ARHGAP23: variants seen among roughly 807,000 people sequenced by gnomAD.
ARHGAP23 encodes Rho GTPase activating protein 23, also known as rho GTPase-activating protein 23.
A neutral mutation model predicts 136.3 loss-of-function variants in ARHGAP23; 34 were observed. That is an observed-to-expected ratio of 0.25 (90% CI 0.19 to 0.33). The LOEUF (loss-of-function observed/expected upper bound fraction) is 0.33, where lower values mean the gene tolerates loss of function less well. Ranked by LOEUF, ARHGAP23 falls within the 10% of genes least tolerant of loss-of-function variation. ARHGAP23 has a pLI of 1.00. For missense variants in ARHGAP23, 1,808 were observed against 2,139.0 expected, an observed-to-expected ratio of 0.85 and a Z score of 3.05; for synonymous variants, 832 against 920.5, an observed-to-expected ratio of 0.90 and a Z score of 1.74.
chr17:38,495,433 C>T (rs1204765844), intron 20 of ARHGAP23, among the ~76,000 whole-genome samples: 1 of 151,944 alleles, frequency 6.6e-6, no homozygotes, highest in East Asian at 1.9e-4. Context: ...GGGTTTCACC[C>T]TGTTGGCCAG....
chr17:38,486,099 A>G lies in ARHGAP23; in HGVS notation c.2945A>G (p.Lys982Arg). ...QDLNVISSLL[K>R]SFFRKLPEPL... ...CTCAATGTGATCAGCAGCCTGCTCA[A>G]GTCCTTCTTCCGAAAGCTGCCCGAG... Residue 982 changes from lysine (K) to arginine (R), a missense_variant, in exon 17 of 24, where the codon AAG (lysine) becomes AGG (arginine). Lys to Arg is a conservative substitution (Grantham distance 26). Around this residue, in one of 7 missense-constraint regions of ARHGAP23, gnomAD observed 105 missense variants for 200.6 expected, o/e 0.52. Transcript: ENST00000622683. 1 of 1,551,426 alleles carries G rather than the reference A, an allele frequency of 6.4e-7. No homozygotes were observed. Among genetic ancestry groups the G allele is most frequent in the Non-Finnish European group, 8.7e-7 (1 of 1,146,810 alleles).
intron 1 of ARHGAP23, among the ~76,000 whole-genome samples, chr17:38,441,583 C>T (rs942246193): frequency 2.0e-5 from 3 of 152,166 alleles, no homozygotes; most frequent in Non-Finnish European, 2.9e-5. Context: ...AGTGATGAGG[C>T]GTATAATGAG....
intron 12 of ARHGAP23, among the ~76,000 whole-genome samples, chr17:38,478,925 C>T (rs952193943): frequency 6.6e-6 from 1 of 152,214 alleles, no homozygotes; most frequent in African/African-American, 2.4e-5. Flanking sequence ...GGTGCTAGTG[C>T]ATGGCCTCTT....
rs921186631 is a variant in ARHGAP23 at position 38,494,330 on chromosome 17, G to A, written c.3276+2798G>A. On this transcript the variant is annotated intron_variant, in intron 20 of 23. Coordinates refer to ENST00000622683, the MANE Select transcript of ARHGAP23 (RefSeq NM_001199417.2). Reference sequence around the variant, plus strand: ...CGGTGCCTGGCAGGTCCTAAGTGTCGTGTGAGAACGGACTGTCATCCTCTT... The same window carrying A: ...CGGTGCCTGGCAGGTCCTAAGTGTCATGTGAGAACGGACTGTCATCCTCTT... Among the ~76,000 whole-genome samples the A allele has an allele frequency of 4.6e-5, 7 of 152,296 alleles. No homozygotes were observed. In the East Asian group the frequency reaches 1.2e-3, roughly 25 times the overall value.
intron 11 of ARHGAP23, among the ~76,000 whole-genome samples, chr17:38,476,539 C>T (rs1266190238): frequency 6.6e-6 from 1 of 152,120 alleles, no homozygotes; most frequent in Admixed American, 6.6e-5. Flanking sequence ...AATGAAGCCA[C>T]TGAGCAGGGT....
chr17:38,458,080 C>T (rs746554578), intron 1 of ARHGAP23, 22 bp from the exon 2 acceptor site: 9 of 1,535,626 alleles, frequency 5.9e-6, no homozygotes, highest in Middle Eastern at 1.7e-4. Context: ...GGCGCTCAGC[C>T]TGGCCTCTCT....
At chr17:38,442,510 T>C (rs1055889193) in intron 1 of ARHGAP23, among the ~76,000 whole-genome samples, 1 of 152,238 alleles carries the variant, frequency 6.6e-6, no homozygotes, top group African/African-American at 2.4e-5. Context: ...TTCCAGGACC[T>C]ACAGCCCTGT....
At chr17:38,459,872 G>A (rs2039418246) in intron 2 of ARHGAP23, among the ~76,000 whole-genome samples, 1 of 152,184 alleles carries the variant, frequency 6.6e-6, no homozygotes, top group Non-Finnish European at 1.5e-5. Context: ...AGGAGGACGG[G>A]GGCAGAGTGC....
At chr17:38,503,480 C>T (rs2040564178) in intron 23 of ARHGAP23, among the ~76,000 whole-genome samples, 1 of 152,210 alleles carries the variant, frequency 6.6e-6, no homozygotes, top group Non-Finnish European at 1.5e-5. Context: ...AGCACTTTGC[C>T]CAGCAGCCGT....
chr17:38,443,366 A>C (rs974655003), intron 1 of ARHGAP23, among the ~76,000 whole-genome samples: 1 of 152,198 alleles, frequency 6.6e-6, no homozygotes, highest in East Asian at 1.9e-4. Flanking sequence ...CATAGTAAGC[A>C]CTCAGCAAGT....
rs2039372934 is a variant in ARHGAP23 at position 38,458,130 on chromosome 17, C to T, written c.92C>T (p.Ser31Phe). 2 of 1,536,140 alleles carry T rather than the reference C, an allele frequency of 1.3e-6. No homozygotes were observed. The highest frequency in any genetic ancestry group is 1.2e-5 in the South Asian group (1 of 84,056). ...QLPLGPRDGCSPRRPFPWQGP... is the reference protein window; with the variant it reads ...QLPLGPRDGCFPRRPFPWQGP... ...CCACTGGGCCCAAGAGATGGGTGCT[C>T]TCCTAGGCGCCCCTTCCCCTGGCAG... The change falls in exon 2 of 24, where the codon TCT becomes TTT. Residue 31 changes from serine to phenylalanine, a missense_variant. Ser to Phe is a radical substitution (Grantham distance 155). Coordinates refer to ENST00000622683, the MANE Select transcript of ARHGAP23 (RefSeq NM_001199417.2).
chr17:38,481,821 C>T (rs1259592904), intron 14 of ARHGAP23, among the ~76,000 whole-genome samples: 1 of 152,220 alleles, frequency 6.6e-6, no homozygotes, highest in Non-Finnish European at 1.5e-5. Flanking sequence ...GAAGTCCTTG[C>T]ATTGCTCTGG....
At chr17:38,505,991 C>T (rs2144814497) in intron 23 of ARHGAP23, among the ~76,000 whole-genome samples, 1 of 152,298 alleles carries the variant, frequency 6.6e-6, no homozygotes, top group Middle Eastern at 3.4e-3. Context: ...CTACACAAAT[C>T]CTGTGGCAAG....
intron 10 of ARHGAP23, 124 bp from the exon 11 acceptor site, chr17:38,471,739 A>G (rs2039763534): frequency 8.7e-7 from 1 of 1,155,936 alleles, no homozygotes; most frequent in African/African-American, 1.6e-5. Context: ...ATGAGGTCGC[A>G]CAGCACATCG....
intron 1 of ARHGAP23, among the ~76,000 whole-genome samples, chr17:38,431,032 C>T (rs1252880408): frequency 6.6e-6 from 1 of 152,106 alleles, no homozygotes; most frequent in Non-Finnish European, 1.5e-5. Context: ...AATATTGCAG[C>T]CCAAATCACA....
chr17:38,503,938 C>T (rs2040574423), intron 23 of ARHGAP23, among the ~76,000 whole-genome samples: 1 of 152,222 alleles, frequency 6.6e-6, no homozygotes, highest in Non-Finnish European at 1.5e-5. Flanking sequence ...ATGCAGATAA[C>T]TTTTCACGAA....
At chr17:38,467,838 C>A (rs1381236465) in intron 7 of ARHGAP23, among the ~76,000 whole-genome samples, 1 of 152,146 alleles carries the variant, frequency 6.6e-6, no homozygotes, top group East Asian at 1.9e-4. Context: ...TTCTTCCTTC[C>A]ATCTTCCCTT....
chr17:38,431,520 G>A (rs764858952), intron 1 of ARHGAP23, among the ~76,000 whole-genome samples: 2 of 152,112 alleles, frequency 1.3e-5, no homozygotes, highest in African/African-American at 2.4e-5. Flanking sequence ...CAAACAACCC[G>A]CCTTCAGATC....
At chr17:38,508,083 T>C (rs1044575347) in intron 23 of ARHGAP23, among the ~76,000 whole-genome samples, 4 of 152,254 alleles carry the variant, frequency 2.6e-5, no homozygotes, top group Admixed American at 1.3e-4. Flanking sequence ...GCACCTGTTA[T>C]GTGCCATGCA....
Sources: allele counts gnomAD v4.1 joint callset (sites outside exome capture counted in the v4.1 genomes callset), GRCh38; gene constraint gnomAD v4.1.1; regional missense constraint gnomAD v4.1.1; transcripts MANE v1.5; gene names NCBI Gene and HGNC (gene_info 2026-07-23, HGNC 2026-07-21).